Variants in LRRC4C observed in about 807,000 individuals in gnomAD.
LRRC4C encodes the protein leucine rich repeat containing 4C, also known as leucine-rich repeat-containing protein 4C.
A neutral mutation model predicts 33.6 loss-of-function variants in LRRC4C; 5 were observed. That is an observed-to-expected ratio of 0.15 (90% confidence interval 0.08 to 0.31). The LOEUF (loss-of-function observed/expected upper bound fraction) is 0.31. LRRC4C is among the 10% of genes least tolerant of loss of function. The pLI is 1.00. For synonymous variants in LRRC4C, 329 were observed against 302.0 expected, an observed-to-expected ratio of 1.09 and a Z score of -0.93; for missense variants, 560 against 796.7, an observed-to-expected ratio of 0.70 and a Z score of 3.58.
intron 1 of LRRC4C, among the ~76,000 whole-genome samples, chr11:40,981,895 C>T: frequency 6.6e-6 from 1 of 152,044 alleles, no homozygotes; most frequent in East Asian, 1.9e-4. Flanking sequence ...TTCAACTTGG[C>T]AAAGTATTTA....
At chr11:41,191,991 G>T (rs1011006849) in intron 1 of LRRC4C, among the ~76,000 whole-genome samples, 14 of 152,054 alleles carry the variant, frequency 9.2e-5, no homozygotes, top group Non-Finnish European at 1.9e-4. Flanking sequence ...AATTAAAATT[G>T]CTTGTTATGT....
intron 3 of LRRC4C, among the ~76,000 whole-genome samples, chr11:40,618,152 C>G (rs1450257379): frequency 1.3e-5 from 2 of 151,576 alleles, no homozygotes; most frequent in African/African-American, 4.8e-5. Context: ...GAAATAGGGA[C>G]TTTGAAGATG....
intron 1 of LRRC4C, among the ~76,000 whole-genome samples, chr11:41,102,142 TA>T (rs537327199): frequency 3.3e-5 from 5 of 151,758 alleles, no homozygotes; most frequent in Non-Finnish European, 7.4e-5. Context: ...AAATAAAAGT[TA>T]AAAAAAAGTA....
Position 40,628,967 on chromosome 11 carries a change from G to T in LRRC4C, c.-270+19175C>A, listed in dbSNP as rs558747047. 3.3e-5 allele frequency among the ~76,000 whole-genome samples: 5 copies of T among 152,174 alleles called. No homozygotes were observed. The East Asian group carries it at 9.7e-4, about 29-fold the overall frequency. ...AGTTGTGGATGTAAGATTCCATTTT[G>T]ATTTTACTTGTTAACTAAACAAACG... On this transcript the variant is annotated intron_variant, in intron 3 of 6. Transcript: ENST00000528697.
At chr11:40,686,481 C>G (rs1301629896) in intron 2 of LRRC4C, among the ~76,000 whole-genome samples, 1 of 151,928 alleles carries the variant, frequency 6.6e-6, no homozygotes, top group Non-Finnish European at 1.5e-5. Context: ...GAGATACTCA[C>G]TAACTTCACC....
At chr11:40,545,928 A>G (rs911306760) in intron 3 of LRRC4C, among the ~76,000 whole-genome samples, 7 of 152,162 alleles carry the variant, frequency 4.6e-5, no homozygotes, top group African/African-American at 1.7e-4. Context: ...AAAATGGTAC[A>G]TTACCAACCC....
At chr11:41,441,419 T>C (rs1352506521) in intron 1 of LRRC4C, among the ~76,000 whole-genome samples, 1 of 151,794 alleles carries the variant, frequency 6.6e-6, no homozygotes, top group African/African-American at 2.4e-5. Context: ...TCTTCCAGGA[T>C]CCCATGCCAT....
At chr11:40,463,027 TC>T (rs1476399229) in intron 3 of LRRC4C, among the ~76,000 whole-genome samples, 2 of 152,066 alleles carry the variant, frequency 1.3e-5, no homozygotes, top group African/African-American at 4.8e-5. Context: ...GTCCTACGAT[TC>T]ATTCTCTGCT....
intron 1 of LRRC4C, among the ~76,000 whole-genome samples, chr11:41,164,182 AC>A (rs1944612864): frequency 4.3e-5 from 4 of 92,484 alleles, no homozygotes; most frequent in East Asian, 7.1e-4. Context: ...TTTTTCTTTT[AC>A]CTTTTTTATT....
Position 40,180,732 on chromosome 11 carries a change from T to C in LRRC4C, c.-95-39879A>G, listed in dbSNP as rs139291609. Among the ~76,000 whole-genome samples, 137 of 152,332 alleles carry C rather than the reference T, an allele frequency of 9.0e-4. 1 individual carries two copies. Among genetic ancestry groups the C allele is most frequent in the African/African-American group, 3.2e-3 (133 of 41,578 alleles). On this transcript the variant is annotated intron_variant, in intron 5 of 6. Coordinates refer to ENST00000528697, the MANE Select transcript of LRRC4C (RefSeq NM_001258419.2). ...CAGTGGTTTTTCCTACAGAATTTCC[T>C]GAGTGTAAGGAGATGTTTGCATGCA...
intron 1 of LRRC4C, among the ~76,000 whole-genome samples, chr11:41,381,355 C>T (rs983495590): frequency 1.3e-5 from 2 of 152,090 alleles, no homozygotes; most frequent in Admixed American, 6.6e-5. Flanking sequence ...AGGCCTGGTG[C>T]TGTGGCTCAG....
chr11:40,867,455 A>T (rs1954422965), intron 2 of LRRC4C, among the ~76,000 whole-genome samples: 1 of 152,136 alleles, frequency 6.6e-6, no homozygotes, highest in South Asian at 2.1e-4. Flanking sequence ...AGCATTGGTG[A>T]CTCTTAAAGT....
At chr11:41,089,833 G>T (rs1940275355) in intron 1 of LRRC4C, among the ~76,000 whole-genome samples, 1 of 151,864 alleles carries the variant, frequency 6.6e-6, no homozygotes, top group South Asian at 2.1e-4. Context: ...GTCATCAGGG[G>T]TCTTTAAAGA....
chr11:41,334,599 G>T (rs1215638062), intron 1 of LRRC4C, among the ~76,000 whole-genome samples: 1 of 152,116 alleles, frequency 6.6e-6, no homozygotes, highest in African/African-American at 2.4e-5. Flanking sequence ...TTGAGAGGCT[G>T]AAGTCAGGGA....
intron 1 of LRRC4C, among the ~76,000 whole-genome samples, chr11:41,395,206 C>T (rs894586625): frequency 2.6e-5 from 4 of 151,912 alleles, no homozygotes; most frequent in African/African-American, 4.8e-5. Flanking sequence ...AAAAAATGAG[C>T]GCCTATTCTT....
intron 2 of LRRC4C, among the ~76,000 whole-genome samples, chr11:40,790,094 A>G (rs1235979505): frequency 1.3e-5 from 2 of 152,208 alleles, no homozygotes; most frequent in African/African-American, 4.8e-5. Context: ...ATCATAATAA[A>G]GATAGAGGTA....
chr11:40,545,368 T>C (rs1393018876), intron 3 of LRRC4C, among the ~76,000 whole-genome samples: 1 of 152,018 alleles, frequency 6.6e-6, no homozygotes. Context: ...TTCCATTACT[T>C]TCAAGCATTT....
intron 1 of LRRC4C, among the ~76,000 whole-genome samples, chr11:41,006,754 TAA>T (rs1189721923): frequency 1.1e-4 from 17 of 152,186 alleles, no homozygotes; most frequent in African/African-American, 3.6e-4. Context: ...CTTCAAGGAT[TAA>T]ATAACACTGG....
chr11:40,482,754 A>G (rs963564173), intron 3 of LRRC4C, among the ~76,000 whole-genome samples: 6 of 152,150 alleles, frequency 3.9e-5, no homozygotes, highest in Admixed American at 3.9e-4. Flanking sequence ...TACAGGTATG[A>G]GCCACTGCAC....
Sources: allele counts gnomAD v4.1 joint callset (sites outside exome capture counted in the v4.1 genomes callset), GRCh38; gene constraint gnomAD v4.1.1; transcripts MANE v1.5; gene names NCBI Gene and HGNC (gene_info 2026-07-23, HGNC 2026-07-21).